The following MAF variants were observed in gnomAD, a reference collection of about 807,000 sequenced individuals.
MAF encodes MAF bZIP transcription factor, also known as transcription factor Maf.
Under a neutral mutation model 22.0 loss-of-function variants are expected in MAF, and 10 were observed. The ratio of observed to expected loss-of-function variants is 0.45; its 90% CI spans 0.28 to 0.77. The LOEUF (loss-of-function observed/expected upper bound fraction) is 0.77. Ranked by LOEUF, MAF falls within the 30% of genes least tolerant of loss-of-function variation. MAF has a pLI of 0.12. For synonymous variants in MAF, 337 were observed against 255.8 expected, an observed-to-expected ratio of 1.32 and a Z score of -3.03; for missense variants, 544 against 548.4, an observed-to-expected ratio of 0.99 and a Z score of 0.08.
chr16:79,351,849 C>T, the MAF span, among the ~76,000 whole-genome samples: 241 of 152,262 alleles, frequency 1.6e-3, 4 homozygotes, highest in African/African-American at 5.5e-3. Context: ...GGCAGCTTCA[C>T]CATGGATGGG....
chr16:79,452,612 G>A, the MAF span, among the ~76,000 whole-genome samples: 1 of 151,998 alleles, frequency 6.6e-6, no homozygotes, highest in African/African-American at 2.4e-5. Flanking sequence ...GAAAAATGTG[G>A]CAGACACAGA....
At chr16:79,507,058 G>C in the MAF span, among the ~76,000 whole-genome samples, 1 of 150,586 alleles carries the variant, frequency 6.6e-6, no homozygotes, top group East Asian at 1.9e-4. Flanking sequence ...TCTGCTGTTT[G>C]TGTGTACCAC....
the MAF span, among the ~76,000 whole-genome samples, chr16:79,341,628 A>T: frequency 1.3e-5 from 2 of 152,208 alleles, no homozygotes; most frequent in Admixed American, 6.5e-5. Flanking sequence ...AGCTATTATT[A>T]TTAGGTTGGC....
At chr16:79,323,412 C>G in the MAF span, among the ~76,000 whole-genome samples, 2 of 151,956 alleles carry the variant, frequency 1.3e-5, no homozygotes, top group East Asian at 3.9e-4. Flanking sequence ...TTAAATACAT[C>G]TCTGTGTTGT....
the MAF span, among the ~76,000 whole-genome samples, chr16:79,387,477 G>C: frequency 6.6e-6 from 1 of 152,174 alleles, no homozygotes; most frequent in Non-Finnish European, 1.5e-5. Context: ...GAAGTTATTA[G>C]TGTCATCTTG....
At chr16:79,366,257 G>T in the MAF span, among the ~76,000 whole-genome samples, 1 of 152,116 alleles carries the variant, frequency 6.6e-6, no homozygotes, top group Non-Finnish European at 1.5e-5. Context: ...CCTTTAAAAC[G>T]TAACTGCACA....
At chr16:79,294,024 T>C in the MAF span, among the ~76,000 whole-genome samples, 24,695 of 152,148 alleles carry the variant, frequency 0.16, 2,408 homozygotes, top group African/African-American at 0.27. Flanking sequence ...GATACCACGA[T>C]TGTGCAAGAG....
the MAF span, among the ~76,000 whole-genome samples, chr16:79,255,987 T>C: frequency 4.8e-5 from 7 of 145,350 alleles, no homozygotes; most frequent in East Asian, 3.9e-4. Flanking sequence ...CTTTTCTTTT[T>C]TTTTTTTTTT....
chr16:79,449,942 T>G, the MAF span, among the ~76,000 whole-genome samples: 2 of 152,242 alleles, frequency 1.3e-5, no homozygotes, highest in African/African-American at 4.8e-5. Flanking sequence ...TTTTGATGCT[T>G]TCTTTTAAGA....
chr16:79,214,229 C>T, the MAF span, among the ~76,000 whole-genome samples: 2 of 152,116 alleles, frequency 1.3e-5, no homozygotes, highest in Non-Finnish European at 2.9e-5. Context: ...TGTCTACCCA[C>T]TATAAGAAAC....
At chr16:79,524,194 G>C in the MAF span, among the ~76,000 whole-genome samples, 1 of 152,138 alleles carries the variant, frequency 6.6e-6, no homozygotes, top group African/African-American at 2.4e-5. Flanking sequence ...AGTTTCAACG[G>C]GAGAGCAGGA....
the MAF span, among the ~76,000 whole-genome samples, chr16:79,284,815 G>A: frequency 6.3e-4 from 96 of 152,126 alleles, no homozygotes; most frequent in African/African-American, 2.3e-3. Flanking sequence ...AGTGTGCACC[G>A]TGCCTCTTTT....
chr16:79,239,963 T>C, the MAF span, among the ~76,000 whole-genome samples: 3 of 151,992 alleles, frequency 2.0e-5, no homozygotes, highest in South Asian at 6.2e-4. Flanking sequence ...ATGCAGAGGA[T>C]GTGTGTAGCC....
At chr16:79,465,513 A>T in the MAF span, among the ~76,000 whole-genome samples, 8 of 152,152 alleles carry the variant, frequency 5.3e-5, no homozygotes, top group African/African-American at 1.9e-4. Flanking sequence ...GGATCTCTTG[A>T]GCCCCAGAGG....
chr16:79,211,253 G>A, the MAF span, among the ~76,000 whole-genome samples: 1 of 152,034 alleles, frequency 6.6e-6, no homozygotes, highest in Admixed American at 6.6e-5. Context: ...GAAGTTGAGG[G>A]GTTGGATGAA....
the MAF span, among the ~76,000 whole-genome samples, chr16:79,489,228 C>A: frequency 1.3e-5 from 2 of 152,070 alleles, no homozygotes; most frequent in Non-Finnish European, 2.9e-5. Context: ...CATCCATTTG[C>A]CCATCCATCT....
chr16:79,455,108 A>G, the MAF span, among the ~76,000 whole-genome samples: 1 of 151,866 alleles, frequency 6.6e-6, no homozygotes, highest in African/African-American at 2.4e-5. Context: ...AAAAAAAAAA[A>G]AAAGAAAGAA....
the MAF span, among the ~76,000 whole-genome samples, chr16:79,286,772 G>T: frequency 3.3e-5 from 5 of 152,138 alleles, no homozygotes; most frequent in Admixed American, 1.3e-4. Flanking sequence ...TCACATGGCC[G>T]TATCCACAGG....
At chr16:79,343,540 A>G in the MAF span, among the ~76,000 whole-genome samples, 1 of 152,344 alleles carries the variant, frequency 6.6e-6, no homozygotes, top group East Asian at 1.9e-4. Flanking sequence ...ATTTTGCTTG[A>G]AAACAGATTG....
Sources: allele counts gnomAD v4.1 joint callset (sites outside exome capture counted in the v4.1 genomes callset), GRCh38; gene constraint gnomAD v4.1.1; transcripts MANE v1.5; gene names NCBI Gene and HGNC (gene_info 2026-07-23, HGNC 2026-07-21).